The following TUBGCP3 variants were observed in gnomAD, a reference collection of about 807,000 sequenced individuals.
TUBGCP3 encodes the protein tubulin gamma complex component 3, also known as gamma-tubulin complex component 3.
Under a neutral mutation model 123.1 loss-of-function variants are expected in TUBGCP3, and 50 were observed. The observed-to-expected ratio is 0.41, with a 90% CI of 0.32 to 0.51. TUBGCP3 has a LOEUF of 0.51. Ranked by LOEUF, TUBGCP3 falls within the 20% of genes least tolerant of loss-of-function variation. The probability of loss-of-function intolerance (pLI) is 0.36; values close to 1 mark genes in which losing one functional copy is unlikely to be tolerated. For synonymous variants in TUBGCP3, 405 were observed against 413.9 expected, an observed-to-expected ratio of 0.98 and a Z score of 0.26; for missense variants, 882 against 1,127.0, an observed-to-expected ratio of 0.78 and a Z score of 3.11.
rs1222660424 is a variant in TUBGCP3 at position 112,485,521 on chromosome 13, C to G, written c.*472G>C. On this transcript the variant is annotated 3_prime_UTR_variant, in exon 22 of 22. Coordinates refer to ENST00000261965, the MANE Select transcript of TUBGCP3 (RefSeq NM_006322.6). Reference sequence around the variant, plus strand: ...AAAAATAAAATGCTCTATATATTTTCTTAGTTGGGACATTTTGTTTCAATT... The same window carrying G: ...AAAAATAAAATGCTCTATATATTTTGTTAGTTGGGACATTTTGTTTCAATT... 1 of 153,644 alleles carries G rather than the reference C, an allele frequency of 6.5e-6. No homozygotes were observed. The highest frequency in any genetic ancestry group is 1.9e-4 in the East Asian group (1 of 5,216). 9.5% of individuals were successfully genotyped at this position (153,644 alleles called of 1,614,324 possible). A position where few individuals can be genotyped will look rare whatever the true frequency, so the allele number is the denominator to read the frequency against.
At chr13:112,568,911 CT>C (rs1881192934) in intron 2 of TUBGCP3, among the ~76,000 whole-genome samples, 1 of 152,228 alleles carries the variant, frequency 6.6e-6, no homozygotes, top group Admixed American at 6.5e-5. Flanking sequence ...AAATGGAAAG[CT>C]TTCTTCTCTA....
the TUBGCP3 span, among the ~76,000 whole-genome samples, chr13:112,599,246 G>T: frequency 6.6e-6 from 1 of 152,070 alleles, no homozygotes; most frequent in African/African-American, 2.4e-5. Flanking sequence ...ATTCTATGAG[G>T]TTATTCTTTT....
intron 1 of TUBGCP3, among the ~76,000 whole-genome samples, chr13:112,587,630 G>C (rs926950543): frequency 6.6e-6 from 1 of 151,218 alleles, no homozygotes; most frequent in Non-Finnish European, 1.5e-5. Context: ...CCGCCCTCCC[G>C]CCTCCCGCCC....
chr13:112,585,223 T>C (rs1882526408), intron 1 of TUBGCP3, among the ~76,000 whole-genome samples: 1 of 152,234 alleles, frequency 6.6e-6, no homozygotes. Context: ...AAATATTCTA[T>C]GGAGTTACCA....
intron 13 of TUBGCP3, among the ~76,000 whole-genome samples, chr13:112,523,041 C>T (rs1451599367): frequency 1.3e-5 from 2 of 152,152 alleles, no homozygotes; most frequent in African/African-American, 2.4e-5. Flanking sequence ...AGTAACATAG[C>T]GGAAGAAAGC....
chr13:112,490,159 C>T (rs1007457356), intron 20 of TUBGCP3, among the ~76,000 whole-genome samples: 2 of 152,202 alleles, frequency 1.3e-5, no homozygotes, highest in Admixed American at 6.5e-5. Context: ...CTTTTTGGTA[C>T]TGGAGATATA....
chr13:112,541,994 C>T (rs566284784), intron 11 of TUBGCP3, among the ~76,000 whole-genome samples: 1 of 152,178 alleles, frequency 6.6e-6, no homozygotes, highest in East Asian at 1.9e-4. Context: ...CTGAAGGGTA[C>T]AATTATAATG....
chr13:112,540,582 A>C (rs1878438507), intron 11 of TUBGCP3, among the ~76,000 whole-genome samples: 1 of 145,308 alleles, frequency 6.9e-6, no homozygotes, highest in South Asian at 2.2e-4. Context: ...TGAGGACGTC[A>C]ATGTAGTAGC....
intron 1 of TUBGCP3, among the ~76,000 whole-genome samples, chr13:112,582,679 G>C (rs554446308): frequency 1.1e-4 from 17 of 151,406 alleles, no homozygotes; most frequent in Non-Finnish European, 2.2e-4. Flanking sequence ...TCTGCTTAAT[G>C]CAAGAGTGAA....
At chr13:112,537,106 C>G (rs1241135855) in intron 11 of TUBGCP3, among the ~76,000 whole-genome samples, 4 of 135,558 alleles carry the variant, frequency 3.0e-5, no homozygotes, top group African/African-American at 1.1e-4. Context: ...ATCTGGCTAT[C>G]TGGATGCTTT....
At chr13:112,549,181 T>G (rs1157997110) in intron 8 of TUBGCP3, among the ~76,000 whole-genome samples, 2 of 152,188 alleles carry the variant, frequency 1.3e-5, no homozygotes, top group Non-Finnish European at 2.9e-5. Context: ...TCATGTCCTT[T>G]GTAGGGACGT....
rs920992972 is a variant in TUBGCP3 at position 112,554,871 on chromosome 13, T to C, written c.840+16A>G. The C allele has an allele frequency of 5.9e-6, 9 of 1,533,514 alleles. No individual in the cohort carries two copies. The highest frequency in any genetic ancestry group is 8.0e-6 in the Non-Finnish European group (9 of 1,125,038). 95.0% of individuals were successfully genotyped at this position (1,533,514 alleles called of 1,614,324 possible). On this transcript the variant is annotated intron_variant, in intron 7 of 21. Transcript: ENST00000261965. ...TTCTTTCTGAATATTTTAACTTAGA[T>C]TTTATGTTACTGTACCTTTCCTTCT...
intron 1 of TUBGCP3, among the ~76,000 whole-genome samples, chr13:112,580,139 C>A (rs1191991386): frequency 6.6e-6 from 1 of 152,132 alleles, no homozygotes; most frequent in Non-Finnish European, 1.5e-5. Context: ...CATACACAGA[C>A]ACAGGATGGT....
intron 17 of TUBGCP3, among the ~76,000 whole-genome samples, chr13:112,507,796 G>A (rs1001889955): frequency 6.6e-6 from 1 of 152,142 alleles, no homozygotes; most frequent in Non-Finnish European, 1.5e-5. Context: ...ATGAAACCAG[G>A]AATTTTTTTC....
chr13:112,594,209 A>G, the TUBGCP3 span, among the ~76,000 whole-genome samples: 3,677 of 152,356 alleles, frequency 0.024, 165 homozygotes, highest in African/African-American at 0.084. Flanking sequence ...CAAACACATC[A>G]TAAGAAAACT....
the TUBGCP3 span, among the ~76,000 whole-genome samples, chr13:112,599,201 C>G: frequency 6.6e-6 from 1 of 152,150 alleles, no homozygotes; most frequent in Non-Finnish European, 1.5e-5. Flanking sequence ...TAACTTTGAT[C>G]ACCTGACTTG....
chr13:112,540,270 A>C (rs1331474146), intron 11 of TUBGCP3, among the ~76,000 whole-genome samples: 1 of 143,268 alleles, frequency 7.0e-6, no homozygotes, highest in Non-Finnish European at 1.6e-5. Flanking sequence ...TGATGACGTC[A>C]ATGTAGTAGC....
chr13:112,504,808 C>A lies in TUBGCP3; in HGVS notation c.2087-94G>T, dbSNP rs183377848. The A allele has an allele frequency of 7.0e-4, 700 of 999,486 alleles. 6 individuals are homozygous for A. In the African/African-American group the frequency reaches 9.6e-3, roughly 14 times the overall value. The allele number at this position is 999,486 out of a possible 1,614,324, so 61.9% of individuals were successfully genotyped here. On this transcript the variant is annotated intron_variant, in intron 17 of 21. Coordinates refer to ENST00000261965, the MANE Select transcript of TUBGCP3 (RefSeq NM_006322.6). ...TACCCACCTGCAAGCTATCTTAAAA[C>A]AAAAAATCAGTCATTTAAATTCTTG...
intron 3 of TUBGCP3, among the ~76,000 whole-genome samples, chr13:112,564,171 A>T (rs568553018): frequency 6.6e-6 from 1 of 152,378 alleles, no homozygotes; most frequent in South Asian, 2.1e-4. Context: ...ATAATATCGC[A>T]AATATTATGG....
Sources: gnomAD v4.1 joint callset for allele counts (sites outside exome capture counted in the v4.1 genomes callset) on GRCh38, gnomAD v4.1.1 for gene constraint, MANE v1.5 for transcripts, NCBI Gene and HGNC (gene_info 2026-07-23, HGNC 2026-07-21) for gene names.